TM4SF20: variants seen among roughly 807,000 people sequenced by gnomAD.
TM4SF20 encodes the protein transmembrane 4 L six family member 20, also known as transmembrane 4 L6 family member 20.
Under a neutral mutation model 15.1 loss-of-function variants are expected in TM4SF20, and 13 were observed. That is an observed-to-expected ratio of 0.86 (90% CI 0.56 to 1.36). The LOEUF (loss-of-function observed/expected upper bound fraction) is 1.36. Ranked by LOEUF, TM4SF20 falls within the 40% of genes most tolerant of loss-of-function variation. The pLI, the probability that TM4SF20 is intolerant of heterozygous loss-of-function variation, is 0.00. For synonymous variants in TM4SF20, 92 were observed against 96.6 expected (o/e 0.95, Z 0.28); for missense variants, 282 against 268.4 (o/e 1.05, Z -0.35).
rs755572844 is a variant in TM4SF20 at position 227,363,862 on chromosome 2, A to G, written c.552T>C (p.His184=). 8.1e-6 allele frequency: 13 copies of G among 1,614,038 alleles called. No homozygotes were observed. The Admixed American group carries it at 8.3e-5, about 10-fold the overall frequency. The change falls in exon 4 of 4, where the codon CAT becomes CAC. Residue 184 remains histidine (H), a synonymous_variant. Transcript: ENST00000304568. Reference sequence around the variant, plus strand: ...AAAATACTGAGAAGTGGATAAGCCTATGTTTGTTTTCTTCAGAATCGAAGT... The same window carrying G: ...AAAATACTGAGAAGTGGATAAGCCTGTGTTTGTTTTCTTCAGAATCGAAGT... The part of the protein sequence containing the change: ...SFHFDSEENK[H]RLIHFSVFLG...
At chr2:227,370,608 A>C (rs987272310) in intron 2 of TM4SF20, among the ~76,000 whole-genome samples, 4 of 152,070 alleles carry the variant, frequency 2.6e-5, no homozygotes, top group African/African-American at 9.7e-5. Flanking sequence ...AAATACAAAA[A>C]TTAGCTGGGC....
chr2:227,372,682 G>A (rs1475567809), intron 1 of TM4SF20, among the ~76,000 whole-genome samples: 1 of 152,038 alleles, frequency 6.6e-6, no homozygotes, highest in Non-Finnish European at 1.5e-5. Flanking sequence ...GTCATTTGGG[G>A]TGCAGAGCCC....
rs760992423 is a variant in TM4SF20 at position 227,379,117 on chromosome 2, C to T, written c.152G>A (p.Trp51Ter). ...ACCTGCTCCTATAATTCCTGGGAAC[C>T]ACCACTCAAAGCAAGAGATGGGGTT... Reference protein sequence around the residue: ...SQNPISCFEWWFPGIIGAGLM... With the variant: ...SQNPISCFEW The change falls in exon 1 of 4, where the codon TGG becomes TAG. Residue 51 changes from tryptophan (W) to a stop codon, truncating the protein, a stop_gained. Coordinates refer to ENST00000304568, the MANE Select transcript of TM4SF20 (RefSeq NM_024795.4). LOFTEE classifies it high-confidence loss of function. 2.2e-5 allele frequency: 36 copies of T among 1,614,062 alleles called. No homozygotes were observed. The highest frequency in any genetic ancestry group is 5.3e-5 in the African/African-American group (4 of 74,918).
chr2:227,363,991 G>A lies in TM4SF20; in HGVS notation c.423C>T (p.Phe141=). The change falls in exon 4 of 4, where the codon TTC becomes TTT. Residue 141 remains phenylalanine (F), a synonymous_variant. Coordinates refer to ENST00000304568, the MANE Select transcript of TM4SF20 (RefSeq NM_024795.4). ...KNISDIHPES[F]NLQWFFNDSC... is the part of the protein sequence containing the mutation. ...AGTCATTGAAAAACCACTGCAAGTTGAAGGATTCTGGATGAATGTCACTGA... is the reference window on the plus strand; with the variant it reads ...AGTCATTGAAAAACCACTGCAAGTTAAAGGATTCTGGATGAATGTCACTGA... 6.2e-7 allele frequency: 1 copy of A among 1,612,762 alleles called. No homozygotes were observed.
upstream of TM4SF20, among the ~76,000 whole-genome samples, chr2:227,379,740 G>A (rs931433459): frequency 3.3e-5 from 5 of 152,188 alleles, no homozygotes; most frequent in East Asian, 1.9e-4. Flanking sequence ...ATTTCAAGCC[G>A]TATGCTCACA....
At chr2:227,367,607 C>G (rs2076399465) in intron 2 of TM4SF20, among the ~76,000 whole-genome samples, 1 of 152,150 alleles carries the variant, frequency 6.6e-6, no homozygotes, top group Non-Finnish European at 1.5e-5. Flanking sequence ...CGAGGGAATG[C>G]TTTTCCTTTT....
At chr2:227,364,382 T>TTCCCC (rs1575020868) in intron 3 of TM4SF20, among the ~76,000 whole-genome samples, 1 of 137,140 alleles carries the variant, frequency 7.3e-6, no homozygotes, top group African/African-American at 3.3e-5. Flanking sequence ...GAGCCTCCCC[T>TTCCCC]ACCCCCCGCC....
At chr2:227,375,146 C>T (rs937481519) in intron 1 of TM4SF20, among the ~76,000 whole-genome samples, 8 of 151,962 alleles carry the variant, frequency 5.3e-5, no homozygotes, top group Admixed American at 2.0e-4. Context: ...AGGCTGGTCT[C>T]GAACTCCTGC....
chr2:227,362,534 C>T lies in TM4SF20; in HGVS notation c.*1190G>A, dbSNP rs1359397340. On this transcript the variant is annotated 3_prime_UTR_variant, in exon 4 of 4. Coordinates refer to ENST00000304568, the MANE Select transcript of TM4SF20 (RefSeq NM_024795.4). ...AACTTTTTGAGCCAGTAACGTAACA[C>T]CACAAGTGGAAAATTCCATACCTGA... is the stretch of plus-strand genomic sequence containing the variant. The T allele has an allele frequency of 6.6e-6, 1 of 152,068 alleles. No homozygotes were observed. Among genetic ancestry groups the T allele is most frequent in the Non-Finnish European group, 1.5e-5 (1 of 68,024 alleles). 9.4% of individuals were successfully genotyped at this position (152,068 alleles called of 1,614,324 possible).
intron 1 of TM4SF20, among the ~76,000 whole-genome samples, chr2:227,374,972 G>A (rs1295345875): frequency 6.6e-6 from 1 of 151,296 alleles, no homozygotes; most frequent in Non-Finnish European, 1.5e-5. Context: ...CTGTCACCTA[G>A]GCTGGAGTGC....
intron 2 of TM4SF20, among the ~76,000 whole-genome samples, chr2:227,368,217 G>T (rs1457134503): frequency 3.1e-4 from 46 of 149,058 alleles, no homozygotes; most frequent in Admixed American, 2.9e-3. Context: ...TAGAGATGGG[G>T]TTTCACCCTG....
chr2:227,368,602 G>A (rs1208019650), intron 2 of TM4SF20, among the ~76,000 whole-genome samples: 1 of 151,846 alleles, frequency 6.6e-6, no homozygotes, highest in Admixed American at 6.6e-5. Context: ...CTGAACTCAA[G>A]TGATCCGCCC....
intron 2 of TM4SF20, among the ~76,000 whole-genome samples, chr2:227,368,001 G>A (rs2076400995): frequency 1.4e-5 from 2 of 141,818 alleles, no homozygotes; most frequent in African/African-American, 2.6e-5. Flanking sequence ...GTGCCATGGT[G>A]TTTATTTTTA....
upstream of TM4SF20, chr2:227,379,457 T>C (rs1394047079): frequency 2.1e-6 from 1 of 487,186 alleles, no homozygotes; most frequent in East Asian, 3.1e-5. Flanking sequence ...AATTCCATAT[T>C]ATGATGAGGT....
rs748891185 is a variant in TM4SF20, at chr2:227,368,017, C to CTTTTT, written c.250-1774_250-1773insAAAAA. Among the ~76,000 whole-genome samples the CTTTTT allele has an allele frequency of 3.4e-5, 4 of 116,696 alleles. 1 individual carries two copies. Among genetic ancestry groups the CTTTTT allele is most frequent in the South Asian group, 2.7e-4 (1 of 3,670 alleles). The allele number at this position is 116,696 out of a possible 152,430, so 76.6% of individuals were successfully genotyped here. A position where few individuals can be genotyped will look rare whatever the true frequency, so the allele number is the denominator to read the frequency against. ...TGCCATGGTGTTTATTTTTAACCAT[C>CTTTTT]TATTTTTTTTTTTTTTTTTTTTTGG... is the stretch of plus-strand genomic sequence containing the variant. On this transcript the variant is annotated intron_variant, in intron 2 of 3. Transcript: ENST00000304568.
chr2:227,368,017 C>A (rs1385040046), intron 2 of TM4SF20, among the ~76,000 whole-genome samples: 5 of 116,712 alleles, frequency 4.3e-5, no homozygotes, highest in Admixed American at 2.5e-4. Context: ...TTTTAACCAT[C>A]TATTTTTTTT....
intron 2 of TM4SF20, 74 bp from the exon 3 acceptor site, chr2:227,366,318 A>G: frequency 7.4e-7 from 1 of 1,353,336 alleles, no homozygotes; most frequent in Non-Finnish European, 1.0e-6. Flanking sequence ...AGGAGCGTAT[A>G]CAGTCTTTTT....
At chr2:227,381,441 A>G (rs1221220802), upstream of TM4SF20, 1 of 151,812 alleles carries the variant, frequency 6.6e-6, no homozygotes, top group Non-Finnish European at 1.5e-5. Flanking sequence ...TTCTAAAAAA[A>G]TATATTTTTT....
Position 227,362,436 on chromosome 2 carries a change from TGAG to T in TM4SF20, c.*1285_*1287del, listed in dbSNP as rs1000608415. On this transcript the variant is annotated 3_prime_UTR_variant, in exon 4 of 4. Coordinates refer to ENST00000304568, the MANE Select transcript of TM4SF20 (RefSeq NM_024795.4). Reference sequence around the variant, plus strand: ...AAATATGCATTTCTTTTTTTAAAAATGAGGACATTTCTGTATACAGGTTGAGCA... The same window carrying T: ...AAATATGCATTTCTTTTTTTAAAAATGACATTTCTGTATACAGGTTGAGCA... 2.0e-5 allele frequency: 3 copies of T among 152,296 alleles called. No individual in the cohort carries two copies. The highest frequency in any genetic ancestry group is 2.9e-5 in the Non-Finnish European group (2 of 68,016). 9.4% of individuals were successfully genotyped at this position (152,296 alleles called of 1,614,324 possible).
Sources: gnomAD v4.1 joint callset for allele counts (sites outside exome capture counted in the v4.1 genomes callset) on GRCh38, gnomAD v4.1.1 for gene constraint, MANE v1.5 for transcripts, NCBI Gene and HGNC (gene_info 2026-07-23, HGNC 2026-07-21) for gene names.